Variants in MYH7B observed in about 807,000 individuals in gnomAD.
MYH7B encodes myosin heavy chain 7B.
MYH7B carries 205 observed loss-of-function variants against 234.5 expected under a neutral mutation model. The ratio of observed to expected loss-of-function variants is 0.87; its 90% CI spans 0.78 to 0.98. The LOEUF (loss-of-function observed/expected upper bound fraction) is 0.98. MYH7B is among the 50% of genes least tolerant of loss of function. MYH7B has a pLI of 0.00. For synonymous variants in MYH7B, 1,193 were observed against 1,105.0 expected, an observed-to-expected ratio of 1.08 and a Z score of -1.58; for missense variants, 2,652 against 2,633.4, an observed-to-expected ratio of 1.01 and a Z score of -0.15.
intron 8 of MYH7B, 96 bp downstream of exon 8, chr20:34,980,830 C>A (rs1265013305): frequency 5.2e-6 from 8 of 1,541,406 alleles, no homozygotes; most frequent in East Asian, 2.3e-5. Context: ...GCACTGCCCC[C>A]CTTTTGACGC....
chr20:35,000,089 C>CA (rs1267503535), intron 38 of MYH7B, among the ~76,000 whole-genome samples, 183 bp downstream of exon 38: 1 of 152,166 alleles, frequency 6.6e-6, no homozygotes, highest in Non-Finnish European at 1.5e-5. Flanking sequence ...GGGGTGGAGC[C>CA]AGTCAGTCCA....
At chr20:34,982,577 A>G (rs1272982001) in intron 10 of MYH7B, 22 bp downstream of exon 10, 1 of 1,535,344 alleles carries the variant, frequency 6.5e-7, no homozygotes, top group South Asian at 1.2e-5. Flanking sequence ...CCACTCGGGC[A>G]TGCTCCCCGT....
intron 1 of MYH7B, among the ~76,000 whole-genome samples, chr20:34,957,495 T>C (rs898972104): frequency 4.0e-5 from 6 of 148,996 alleles, no homozygotes; most frequent in African/African-American, 1.5e-4. Context: ...TTTTTTTTTT[T>C]TTTTTTTTTT....
At position 34,982,402 on chromosome 20, in the gene MYH7B, G is replaced by A. The variant is rs1371141396; in HGVS notation, c.528-57G>A. The A allele has an allele frequency of 3.4e-6, 5 of 1,480,430 alleles. No homozygotes were observed. The African/African-American group carries it at 6.9e-5, about 21-fold the overall frequency. The allele number at this position is 1,480,430 out of a possible 1,614,324, so 91.7% of individuals were successfully genotyped here. A position where few individuals can be genotyped will look rare whatever the true frequency, so the allele number is the denominator to read the frequency against. On this transcript the variant is annotated intron_variant, in intron 9 of 44. Transcript: ENST00000262873. ...CTCTGCTTGAGGGGTGAGGCATTGG[G>A]GGTGGGGGAGAATTAGGCCAGATGG...
intron 2 of MYH7B, among the ~76,000 whole-genome samples, chr20:34,970,438 G>A (rs985672114): frequency 6.6e-6 from 1 of 152,212 alleles, no homozygotes; most frequent in African/African-American, 2.4e-5. Flanking sequence ...GAAGGCCTTA[G>A]AGCCCAGAGT....
At chr20:34,999,199 C>T (rs528519104) in exon 36 of MYH7B, 4 of 1,612,782 alleles carry the variant, frequency 2.5e-6, no homozygotes, top group Admixed American at 1.7e-5. Context: ...GCGACCTCAG[C>T]AGCTGCTGCG....
chr20:34,968,378 T>C (rs1183784406), intron 2 of MYH7B, among the ~76,000 whole-genome samples: 1 of 152,240 alleles, frequency 6.6e-6, no homozygotes. Flanking sequence ...GTTATTTCAT[T>C]GAATCCACAC....
At chr20:34,963,904 G>A (rs1223205606) in intron 2 of MYH7B, among the ~76,000 whole-genome samples, 1 of 152,066 alleles carries the variant, frequency 6.6e-6, no homozygotes, top group East Asian at 1.9e-4. Context: ...GTTATATCAG[G>A]AGATTTATCC....
chr20:34,986,847 G>A, intron 14 of MYH7B, 39 bp from the exon 15 acceptor site: 2 of 1,537,328 alleles, frequency 1.3e-6, no homozygotes, highest in Non-Finnish European at 1.8e-6. Context: ...TAGCCGGTAA[G>A]CACTGCCTGA....
rs772942896 is a variant in MYH7B, at chr20:34,997,092, C to T, written c.3276C>T (p.Ser1092=). 22 of 1,548,180 alleles carry T rather than the reference C, an allele frequency of 1.4e-5. No individual in the cohort carries two copies. The highest frequency in any genetic ancestry group is 2.2e-4 in the Middle Eastern group (1 of 4,484). The change falls in exon 31 of 45, where the codon TCC becomes TCT. Residue 1092 remains serine (S), a synonymous_variant. Transcript: ENST00000262873. ...ACTCTGTGGCTCCCAGGAAGGACTC[C>T]GAGCTGAGCCAGCTGAGCCTGCGGG...
exon 37 of MYH7B, chr20:34,999,589 C>T: frequency 2.5e-6 from 4 of 1,611,190 alleles, no homozygotes; most frequent in South Asian, 1.1e-5. Flanking sequence ...AGCGACCTCA[C>T]AGACCAGGTG....
intron 24 of MYH7B, among the ~76,000 whole-genome samples, chr20:34,991,939 C>G (rs1302350847): frequency 6.6e-6 from 1 of 152,224 alleles, no homozygotes; most frequent in Non-Finnish European, 1.5e-5. Flanking sequence ...TGAAACATCT[C>G]ACAGTCTGGT....
At chr20:34,988,806 C>CCTT (rs1569046104) in intron 19 of MYH7B, among the ~76,000 whole-genome samples, 3 of 113,234 alleles carry the variant, frequency 2.6e-5, no homozygotes, top group African/African-American at 3.5e-5. Flanking sequence ...TCCTTTATCC[C>CCTT]TTTTTTTTTT....
chr20:34,959,481 CTTT>C (rs11467878), intron 2 of MYH7B, among the ~76,000 whole-genome samples: 54 of 142,074 alleles, frequency 3.8e-4, no homozygotes, highest in Non-Finnish European at 3.7e-4. Context: ...TTCTTTCTTT[CTTT>C]TTTTTTTTTT....
exon 43 of MYH7B, chr20:35,001,439 G>C: frequency 6.2e-7 from 1 of 1,601,524 alleles, no homozygotes. Context: ...AGGCCGAGGA[G>C]GACAGGAAGA....
chr20:34,981,815 G>C (rs1370647630), intron 9 of MYH7B: 1 of 133,348 alleles, frequency 7.5e-6, no homozygotes, highest in Admixed American at 8.9e-5. Flanking sequence ...TCACGCCACT[G>C]CACTCCAGCC....
rs538809046 is a variant in MYH7B, at chr20:35,002,417, A to G, written c.*229A>G. On this transcript the variant is annotated 3_prime_UTR_variant, in exon 45 of 45. Coordinates refer to ENST00000262873, the Ensembl canonical transcript of MYH7B. ...GGTCCACAGCAGTCATTTTTAAAAT[A>G]AAGTTATTTAATAGTCTCCATTTAA... 5 of 422,616 alleles carry G rather than the reference A, an allele frequency of 1.2e-5. No homozygotes were observed. The Admixed American group carries it at 1.6e-4, about 14-fold the overall frequency. 26.2% of individuals were successfully genotyped at this position (422,616 alleles called of 1,614,324 possible).
chr20:34,998,909 A>C lies in MYH7B; in HGVS notation c.4184A>C (p.Glu1395Ala), dbSNP rs749456563. The C allele has an allele frequency of 9.3e-6, 15 of 1,611,514 alleles. No individual in the cohort carries two copies. The East Asian group carries it at 2.5e-4, about 26-fold the overall frequency. The change falls in exon 35 of 45, where the codon GAG becomes GCG. Residue 1395 changes from glutamate (E) to alanine (A), a missense_variant. Physicochemically the swap from Glu to Ala is moderately radical, Grantham distance 107. Coordinates refer to ENST00000262873, the Ensembl canonical transcript of MYH7B. ...ATCCAGAGGACCGAGGAGCTGGAGG[A>C]GGCCAAGTGAGTGCTTTGCTGGCCA...
At chr20:35,000,935 G>C in intron 40 of MYH7B, 42 bp downstream of exon 40, 2 of 1,611,284 alleles carry the variant, frequency 1.2e-6, no homozygotes, top group Non-Finnish European at 1.7e-6. Context: ...GGACAGAATT[G>C]CAGAGGGACT....
Sources: allele counts gnomAD v4.1 joint callset (sites outside exome capture counted in the v4.1 genomes callset), GRCh38; gene constraint gnomAD v4.1.1; transcripts MANE v1.5; gene names NCBI Gene and HGNC (gene_info 2026-07-23, HGNC 2026-07-21).